BRAF: variants seen among roughly 807,000 people sequenced by gnomAD.
The protein encoded by BRAF is B-Raf proto-oncogene, serine/threonine kinase.
Under a neutral mutation model 104.6 loss-of-function variants are expected in BRAF, and 16 were observed. That is an observed-to-expected ratio of 0.15 (90% CI 0.10 to 0.23). BRAF has a LOEUF of 0.23. Ranked by LOEUF, BRAF falls within the 10% of genes least tolerant of loss-of-function variation. The pLI is 1.00. For synonymous variants in BRAF, 310 were observed against 341.6 expected (o/e 0.91, Z 1.02); for missense variants, 541 against 937.3 (o/e 0.58, Z 5.52).
chr7:140,746,507 G>A (rs1797359898), intron 17 of BRAF, among the ~76,000 whole-genome samples: 1 of 152,084 alleles, frequency 6.6e-6, no homozygotes, highest in South Asian at 2.1e-4. Context: ...GAAATTCTTA[G>A]CCGAATTCCC....
intron 2 of BRAF, among the ~76,000 whole-genome samples, chr7:140,844,053 A>T (rs990401794): frequency 1.3e-5 from 2 of 152,030 alleles, no homozygotes. Flanking sequence ...TCTAGTTATT[A>T]ATCGGAATTA....
chr7:140,719,941 G>T lies in BRAF; in HGVS notation c.*6553C>A. ...GAGTCGCCATAAGGTTTGGAGTGGT[G>T]AAACAGGAACCGTGAATTCACTGCA... On this transcript the variant is annotated 3_prime_UTR_variant, in exon 20 of 20. Coordinates refer to ENST00000644969, the MANE Select transcript of BRAF (RefSeq NM_001374258.1). 9.4e-7 allele frequency: 1 copy of T among 1,062,658 alleles called. No individual in the cohort carries two copies. Among genetic ancestry groups the T allele is most frequent in the Non-Finnish European group, 1.1e-6 (1 of 877,600 alleles). 65.8% of individuals were successfully genotyped at this position (1,062,658 alleles called of 1,614,324 possible). A position where few individuals can be genotyped will look rare whatever the true frequency, so the allele number is the denominator to read the frequency against.
intron 2 of BRAF, among the ~76,000 whole-genome samples, chr7:140,843,615 T>C (rs1808226247): frequency 6.6e-6 from 1 of 152,228 alleles, no homozygotes; most frequent in Non-Finnish European, 1.5e-5. Flanking sequence ...AGAACATTTA[T>C]CTTCCAATAT....
chr7:140,758,313 A>G (rs1259482788), intron 14 of BRAF: 1 of 152,182 alleles, frequency 6.6e-6, no homozygotes, highest in Admixed American at 6.5e-5. Flanking sequence ...ATTAACGAGA[A>G]TGGCATTCTG....
At chr7:140,737,341 A>G (rs540205558) in intron 18 of BRAF, among the ~76,000 whole-genome samples, 1 of 152,304 alleles carries the variant, frequency 6.6e-6, no homozygotes, top group East Asian at 1.9e-4. Context: ...CATTGTTCCC[A>G]GTGCTGGATA....
At chr7:140,842,984 GA>G in intron 2 of BRAF, among the ~76,000 whole-genome samples, 1 of 152,128 alleles carries the variant, frequency 6.6e-6, no homozygotes, top group South Asian at 2.1e-4. Flanking sequence ...AGTAGTTGAA[GA>G]TTTATCTTCC....
chr7:140,760,797 A>G (rs1455049475), intron 14 of BRAF, among the ~76,000 whole-genome samples: 1 of 152,168 alleles, frequency 6.6e-6, no homozygotes, highest in East Asian at 1.9e-4. Flanking sequence ...CAGTGATGGA[A>G]GATGAAATGA....
intron 1 of BRAF, among the ~76,000 whole-genome samples, chr7:140,884,675 C>T (rs1651773534): frequency 6.6e-6 from 1 of 151,722 alleles, no homozygotes. Context: ...GAGATAGGGT[C>T]TTGCTATGTT....
At chr7:140,921,527 T>C (rs980949273) in intron 1 of BRAF, among the ~76,000 whole-genome samples, 4 of 151,996 alleles carry the variant, frequency 2.6e-5, no homozygotes, top group Non-Finnish European at 5.9e-5. Context: ...CCCAAAAAAA[T>C]GATTAGTTAA....
intron 7 of BRAF, among the ~76,000 whole-genome samples, chr7:140,795,868 T>A (rs150148503): frequency 6.6e-6 from 1 of 152,348 alleles, no homozygotes; most frequent in East Asian, 1.9e-4. Context: ...AGGTCCTTTT[T>A]ATTTTTTCTG....
chr7:140,840,435 G>GA (rs1807823051), intron 2 of BRAF, among the ~76,000 whole-genome samples: 1 of 151,884 alleles, frequency 6.6e-6, no homozygotes, highest in Non-Finnish European at 1.5e-5. Flanking sequence ...GAAAGAGTGG[G>GA]AAAAAATACC....
intron 1 of BRAF, among the ~76,000 whole-genome samples, chr7:140,875,629 C>T (rs1224624905): frequency 6.6e-5 from 10 of 152,312 alleles, no homozygotes; most frequent in African/African-American, 1.9e-4. Flanking sequence ...CCACCCGCCT[C>T]GGCCTTCCAA....
chr7:140,719,517 TTC>T lies in BRAF; in HGVS notation c.*6975_*6976del, dbSNP rs527737565. The T allele has an allele frequency of 3.9e-3, 4,029 of 1,037,990 alleles. 9 individuals carry two copies. Among genetic ancestry groups the T allele is most frequent in the Non-Finnish European group, 4.2e-3 (3,601 of 858,614 alleles). The allele number at this position is 1,037,990 out of a possible 1,614,324, so 64.3% of individuals were successfully genotyped here. ...CTTTCTATCCAAACTGAACAATATTTTCTGTTATACAAATTTACATGAGAAAA... is the reference window on the plus strand; with the variant it reads ...CTTTCTATCCAAACTGAACAATATTTTGTTATACAAATTTACATGAGAAAA... On this transcript the variant is annotated 3_prime_UTR_variant, in exon 20 of 20. Transcript: ENST00000644969.
At chr7:140,769,212 G>GA (rs752734955) in intron 14 of BRAF, among the ~76,000 whole-genome samples, 1 of 152,036 alleles carries the variant, frequency 6.6e-6, no homozygotes, top group Non-Finnish European at 1.5e-5. Context: ...AAGTAATTGG[G>GA]ATTACAGGCA....
intron 5 of BRAF, among the ~76,000 whole-genome samples, chr7:140,803,761 G>T (rs1024676988): frequency 4.6e-5 from 7 of 152,104 alleles, no homozygotes; most frequent in African/African-American, 1.7e-4. Context: ...ACTAAAGCCA[G>T]AAATTGCTTA....
chr7:140,727,048 TCTAA>T (rs1158414899), intron 19 of BRAF, among the ~76,000 whole-genome samples: 1 of 152,176 alleles, frequency 6.6e-6, no homozygotes, highest in Non-Finnish European at 1.5e-5. Context: ...TCACCTTCAA[TCTAA>T]CAAAAAATTA....
chr7:140,776,822 G>T, intron 14 of BRAF, 90 bp downstream of exon 13: 2 of 1,260,078 alleles, frequency 1.6e-6, no homozygotes, highest in Non-Finnish European at 2.3e-6. Context: ...AATTTAAAAT[G>T]CAATCCAAAA....
intron 16 of BRAF, among the ~76,000 whole-genome samples, chr7:140,750,412 T>C (rs1195627889): frequency 6.6e-6 from 1 of 152,076 alleles, no homozygotes; most frequent in Non-Finnish European, 1.5e-5. Flanking sequence ...CGCGGAGCCT[T>C]AAACCCCTCA....
chr7:140,753,518 T>C (rs1246098454), intron 15 of BRAF, 125 bp from the exon 15 acceptor site: 5 of 664,820 alleles, frequency 7.5e-6, no homozygotes, highest in Non-Finnish European at 1.3e-5. Flanking sequence ...TAAAACATAG[T>C]ACTTCATCTT....
Sources: gnomAD v4.1 joint callset for allele counts (sites outside exome capture counted in the v4.1 genomes callset) on GRCh38, gnomAD v4.1.1 for gene constraint, MANE v1.5 for transcripts, NCBI Gene and HGNC (gene_info 2026-07-23, HGNC 2026-07-21) for gene names.